The following NKAIN3 variants were observed in gnomAD, a reference collection of about 807,000 sequenced individuals.
NKAIN3 encodes the protein sodium/potassium transporting ATPase interacting 3.
A neutral mutation model predicts 30.2 loss-of-function variants in NKAIN3; 25 were observed. The ratio of observed to expected loss-of-function variants is 0.83; its 90% confidence interval spans 0.60 to 1.16. The LOEUF is 1.16. Ranked by LOEUF, NKAIN3 falls within the 50% of genes most tolerant of loss-of-function variation. NKAIN3 has a pLI of 0.00. For missense variants in NKAIN3, 225 were observed against 254.1 expected (o/e 0.89, Z 0.78); for synonymous variants, 91 against 89.6 (o/e 1.02, Z -0.09).
chr8:62,491,841 C>T (rs1205371746), intron 1 of NKAIN3, among the ~76,000 whole-genome samples: 3 of 151,788 alleles, frequency 2.0e-5, no homozygotes, highest in African/African-American at 7.3e-5. Context: ...AGAATGGAAC[C>T]CCGGGGAATA....
Position 62,749,685 on chromosome 8 carries a change from T to TC in NKAIN3, c.471+2556_471+2557insC, listed in dbSNP as rs759532432. Among the ~76,000 whole-genome samples the TC allele has an allele frequency of 3.3e-3, 398 of 118,972 alleles. 3 individuals carry two copies. Among genetic ancestry groups the TC allele is most frequent in the African/African-American group, 0.013 (385 of 30,458 alleles). 78.1% of individuals were successfully genotyped at this position (118,972 alleles called of 152,430 possible). On this transcript the variant is annotated intron_variant, in intron 4 of 6. Coordinates refer to ENST00000623646, the MANE Select transcript of NKAIN3 (RefSeq NM_001304533.3). ...AATTGTGCTTTTTTCTTTTCTTTTT[T>TC]TTTTTTTTTTTTTTAAGACGGAGTT...
intron 3 of NKAIN3, among the ~76,000 whole-genome samples, chr8:62,640,576 A>G (rs773263829): frequency 2.0e-5 from 3 of 152,140 alleles, no homozygotes; most frequent in Non-Finnish European, 4.4e-5. Context: ...GACTGAATTT[A>G]CCATTGTGAA....
At chr8:62,622,692 T>C (rs1366182884) in intron 3 of NKAIN3, among the ~76,000 whole-genome samples, 1 of 152,010 alleles carries the variant, frequency 6.6e-6, no homozygotes, top group Non-Finnish European at 1.5e-5. Context: ...CAGAGATATG[T>C]TTTGCAACTA....
intron 2 of NKAIN3, among the ~76,000 whole-genome samples, chr8:62,585,416 A>T (rs1438948273): frequency 6.6e-6 from 1 of 152,162 alleles, no homozygotes; most frequent in African/African-American, 2.4e-5. Flanking sequence ...TCCTTTACTC[A>T]TGAAAGTATT....
At chr8:62,543,730 A>G (rs1018673689) in intron 1 of NKAIN3, among the ~76,000 whole-genome samples, 1 of 152,206 alleles carries the variant, frequency 6.6e-6, no homozygotes, top group Non-Finnish European at 1.5e-5. Flanking sequence ...TTTGTAATAC[A>G]TAAGAAACTG....
chr8:62,436,145 A>G (rs1485154848), intron 1 of NKAIN3, among the ~76,000 whole-genome samples: 7 of 152,202 alleles, frequency 4.6e-5, no homozygotes, highest in African/African-American at 1.4e-4. Flanking sequence ...GCTCTCAAAT[A>G]TTATATATCT....
At chr8:62,736,175 G>A (rs978089761) in intron 3 of NKAIN3, among the ~76,000 whole-genome samples, 1 of 152,204 alleles carries the variant, frequency 6.6e-6, no homozygotes, top group African/African-American at 2.4e-5. Context: ...AGTATAGGAA[G>A]GATATAGGCT....
intron 1 of NKAIN3, among the ~76,000 whole-genome samples, chr8:62,384,951 A>C (rs911918860): frequency 6.6e-6 from 1 of 152,156 alleles, no homozygotes; most frequent in Admixed American, 6.5e-5. Context: ...TGTAATTACT[A>C]CACAGAACTC....
chr8:62,831,235 T>C (rs778684416), intron 4 of NKAIN3, among the ~76,000 whole-genome samples: 2 of 151,108 alleles, frequency 1.3e-5, no homozygotes, highest in African/African-American at 2.4e-5. Flanking sequence ...AATAAATAAA[T>C]ACAAGGGAAA....
intron 4 of NKAIN3, among the ~76,000 whole-genome samples, chr8:62,900,239 T>C (rs1228661912): frequency 6.6e-6 from 1 of 152,190 alleles, no homozygotes; most frequent in Non-Finnish European, 1.5e-5. Flanking sequence ...TATCTTGTAT[T>C]CTTGTGCTGC....
At chr8:62,908,642 C>A (rs1395944385) in intron 4 of NKAIN3, among the ~76,000 whole-genome samples, 2 of 152,134 alleles carry the variant, frequency 1.3e-5, no homozygotes, top group Non-Finnish European at 2.9e-5. Context: ...GGGAGTTCCC[C>A]TGCACACACT....
At chr8:62,485,126 G>A (rs575176098) in intron 1 of NKAIN3, among the ~76,000 whole-genome samples, 1 of 152,244 alleles carries the variant, frequency 6.6e-6, no homozygotes, top group East Asian at 1.9e-4. Context: ...CCCCAGGGTT[G>A]AGTCCTTTTC....
chr8:62,937,539 G>A (rs1170970260), intron 5 of NKAIN3, among the ~76,000 whole-genome samples: 1 of 152,100 alleles, frequency 6.6e-6, no homozygotes, highest in Admixed American at 6.5e-5. Flanking sequence ...CGCCCCCAAG[G>A]AAGACCAGGG....
chr8:62,366,050 G>T (rs1159233122), intron 1 of NKAIN3, among the ~76,000 whole-genome samples: 3 of 152,028 alleles, frequency 2.0e-5, no homozygotes, highest in Non-Finnish European at 4.4e-5. Flanking sequence ...TTGATGTAAA[G>T]TTCTAAATTA....
chr8:62,623,826 TA>T (rs1366476630), intron 3 of NKAIN3, among the ~76,000 whole-genome samples: 1 of 151,872 alleles, frequency 6.6e-6, no homozygotes, highest in Non-Finnish European at 1.5e-5. Context: ...GTCCATAAAG[TA>T]AAGTGAAAGC....
chr8:62,924,505 T>C (rs1324494086), intron 5 of NKAIN3, among the ~76,000 whole-genome samples: 1 of 152,202 alleles, frequency 6.6e-6, no homozygotes, highest in East Asian at 1.9e-4. Context: ...AGTAAGATGA[T>C]TAGGGTTTCC....
intron 1 of NKAIN3, among the ~76,000 whole-genome samples, chr8:62,439,298 C>G (rs530825958): frequency 3.9e-5 from 6 of 152,108 alleles, no homozygotes; most frequent in Non-Finnish European, 8.8e-5. Flanking sequence ...GTGCAACTTA[C>G]AGTTTACAAA....
intron 1 of NKAIN3, among the ~76,000 whole-genome samples, chr8:62,335,432 CAAAAAAA>C (rs5891845): frequency 1.2e-5 from 1 of 82,214 alleles, no homozygotes; most frequent in Non-Finnish European, 2.5e-5. Flanking sequence ...GACTCTGTCT[CAAAAAAA>C]AAAAAAAAAA....
At chr8:62,607,091 G>T (rs551076897) in intron 3 of NKAIN3, among the ~76,000 whole-genome samples, 64 of 152,302 alleles carry the variant, frequency 4.2e-4, no homozygotes, top group Non-Finnish European at 8.2e-4. Flanking sequence ...ATGTAGAAAT[G>T]AAGTTAGCCA....
Sources: allele counts gnomAD v4.1 joint callset (sites outside exome capture counted in the v4.1 genomes callset), GRCh38; gene constraint gnomAD v4.1.1; transcripts MANE v1.5; gene names NCBI Gene and HGNC (gene_info 2026-07-23, HGNC 2026-07-21).